Variants in UBAP2 observed in about 807,000 individuals in gnomAD.
The protein encoded by UBAP2 is ubiquitin-associated protein 2.
Under a neutral mutation model 139.6 loss-of-function variants are expected in UBAP2, and 75 were observed. That is an observed-to-expected ratio of 0.54 (90% CI 0.45 to 0.65). The LOEUF (loss-of-function observed/expected upper bound fraction) is 0.65, where lower values mean the gene tolerates loss of function less well. UBAP2 is among the 30% of genes least tolerant of loss of function. UBAP2 has a pLI of 0.00. For missense variants in UBAP2, 1,368 were observed against 1,369.6 expected (o/e 1.00, Z 0.02); for synonymous variants, 526 against 526.2 (o/e 1.00, Z 0.01).
intron 8 of UBAP2, among the ~76,000 whole-genome samples, chr9:33,966,002 A>G (rs1481639095): frequency 6.7e-6 from 1 of 149,786 alleles, no homozygotes; most frequent in Non-Finnish European, 1.5e-5. Flanking sequence ...GTGAGCAGAG[A>G]TCGTGCCACT....
chr9:34,029,388 A>T (rs1013463774), intron 1 of UBAP2, among the ~76,000 whole-genome samples: 6 of 151,502 alleles, frequency 4.0e-5, no homozygotes, highest in Non-Finnish European at 8.8e-5. Flanking sequence ...AATTAGCTGG[A>T]TGTGGTGGCG....
intron 14 of UBAP2, 106 bp downstream of exon 14, chr9:33,944,259 G>C: frequency 7.0e-7 from 1 of 1,431,072 alleles, no homozygotes; most frequent in Non-Finnish European, 9.5e-7. Context: ...TAAGCTATGT[G>C]CTTGAAAAAC....
At chr9:33,944,791 G>T in intron 13 of UBAP2, 152 bp from the exon 14 acceptor site, 1 of 942,892 alleles carries the variant, frequency 1.1e-6, no homozygotes, top group Non-Finnish European at 1.5e-6. Context: ...CTTCATTTAT[G>T]ATAAACGGGA....
intron 4 of UBAP2, among the ~76,000 whole-genome samples, chr9:33,991,467 A>G (rs908525867): frequency 1.3e-5 from 2 of 152,176 alleles, no homozygotes; most frequent in African/African-American, 4.8e-5. Flanking sequence ...TTTACCAGTT[A>G]CATAGGTACA....
chr9:34,049,117 G>C (rs1460977354), upstream of UBAP2, among the ~76,000 whole-genome samples: 1 of 152,208 alleles, frequency 6.6e-6, no homozygotes, highest in Non-Finnish European at 1.5e-5. Flanking sequence ...AATATGTATT[G>C]TACTCGGAGT....
chr9:33,925,989 A>G (rs1425860802), intron 22 of UBAP2, among the ~76,000 whole-genome samples: 1 of 152,192 alleles, frequency 6.6e-6, no homozygotes, highest in Non-Finnish European at 1.5e-5. Flanking sequence ...TCATGTGGCT[A>G]TCCCAGGAAA....
intron 1 of UBAP2, among the ~76,000 whole-genome samples, chr9:34,043,440 T>A (rs1827271866): frequency 6.6e-6 from 1 of 152,214 alleles, no homozygotes; most frequent in Non-Finnish European, 1.5e-5. Context: ...GTGCTGGGAT[T>A]ACAGGCATGA....
In UBAP2 at chr9:33,996,375, C is replaced by T. The variant is rs751171092; in HGVS notation, c.178-42G>A. ...AAAATGGTTAGAGGCAAACAAAAAACTGGCACTTGATATTAAGATTCTTCT... is the reference window on the plus strand; with the variant it reads ...AAAATGGTTAGAGGCAAACAAAAAATTGGCACTTGATATTAAGATTCTTCT... On this transcript the variant is annotated intron_variant, in intron 3 of 28. Coordinates refer to ENST00000379238, the MANE Select transcript of UBAP2 (RefSeq NM_001370062.2). 3.7e-6 allele frequency: 5 copies of T among 1,337,788 alleles called. No homozygotes were observed. In the African/African-American group the frequency reaches 7.2e-5, roughly 19 times the overall value. 82.9% of individuals were successfully genotyped at this position (1,337,788 alleles called of 1,614,324 possible). A position where few individuals can be genotyped will look rare whatever the true frequency, so the allele number is the denominator to read the frequency against.
intron 1 of UBAP2, among the ~76,000 whole-genome samples, chr9:34,045,339 C>T (rs1273001058): frequency 6.9e-6 from 1 of 144,600 alleles, no homozygotes; most frequent in African/African-American, 2.6e-5. Flanking sequence ...GTGAGACTGT[C>T]TTCAAAAAAA....
chr9:33,999,907 T>TATGTATGTATGTATGTATG (rs56853849), intron 2 of UBAP2, among the ~76,000 whole-genome samples: 6 of 77,824 alleles, frequency 7.7e-5, no homozygotes, highest in Non-Finnish European at 1.0e-4. Context: ...TGTATGTATG[T>TATGTATGTATGTATGTATG]TATTTTGAGA....
rs1219881829 is a variant in UBAP2, at chr9:33,973,846, TTGAG to T, written c.521-613_521-610del. Among the ~76,000 whole-genome samples, 3 of 152,326 alleles carry T rather than the reference TTGAG, an allele frequency of 2.0e-5. No individual in the cohort carries two copies. The East Asian group carries it at 5.8e-4, about 29-fold the overall frequency. ...CAACACTGGATTTAGCAATGATTTC[TTGAG>T]TATGACACTAAAACTACAGGCAAAA... On this transcript the variant is annotated intron_variant, in intron 6 of 28. Coordinates refer to ENST00000379238, the MANE Select transcript of UBAP2 (RefSeq NM_001370062.2).
chr9:34,016,273 A>AAG (rs1564064131), intron 2 of UBAP2, among the ~76,000 whole-genome samples: 3 of 10,702 alleles, frequency 2.8e-4, no homozygotes, highest in Non-Finnish European at 8.3e-4. Context: ...GGAGGAAGAG[A>AAG]AGGAGGAAGA....
intron 4 of UBAP2, among the ~76,000 whole-genome samples, chr9:33,990,351 T>C (rs1013150324): frequency 6.6e-6 from 1 of 152,196 alleles, no homozygotes; most frequent in African/African-American, 2.4e-5. Context: ...ATTTGGGTGA[T>C]AAGTTGAATT....
chr9:34,015,244 A>T (rs1422096921), intron 2 of UBAP2, among the ~76,000 whole-genome samples: 1 of 152,222 alleles, frequency 6.6e-6, no homozygotes, highest in Non-Finnish European at 1.5e-5. Context: ...CTTAGCACTT[A>T]TCTCACTTCA....
Position 33,996,215 on chromosome 9 carries a change from A to G in UBAP2, c.288+8T>C, listed in dbSNP as rs1193999850. ...TGTAAACAATGCAAATCAATTAATA[A>G]TACTTACTGTGTCTGAATTCCCTTC... On this transcript the variant is annotated splice_region_variant and intron_variant, in intron 4 of 28. Coordinates refer to ENST00000379238, the MANE Select transcript of UBAP2 (RefSeq NM_001370062.2). 1.3e-6 allele frequency: 2 copies of G among 1,592,866 alleles called. No homozygotes were observed. Among genetic ancestry groups the G allele is most frequent in the Admixed American group, 1.7e-5 (1 of 59,460 alleles).
chr9:33,927,148 C>T, intron 20 of UBAP2, 68 bp from the exon 21 acceptor site: 2 of 1,240,492 alleles, frequency 1.6e-6, no homozygotes, highest in South Asian at 2.9e-5. Context: ...TCAGCTGCTT[C>T]AGGAGGAGGC....
rs768070935 is a variant in UBAP2 at position 33,923,175 on chromosome 9, G to A, written c.3004+11C>T. 1.2e-6 allele frequency: 2 copies of A among 1,614,120 alleles called. No individual in the cohort carries two copies. Among genetic ancestry groups the A allele is most frequent in the Non-Finnish European group, 1.7e-6 (2 of 1,179,950 alleles). Reference sequence around the variant, plus strand: ...CCAGGCCTTATCCTGGAAAGGAGAGGTAAACACTACCTTTGCCAGGCCCAG... The same window carrying A: ...CCAGGCCTTATCCTGGAAAGGAGAGATAAACACTACCTTTGCCAGGCCCAG... On this transcript the variant is annotated intron_variant, in intron 26 of 28. Transcript: ENST00000379238.
intron 9 of UBAP2, among the ~76,000 whole-genome samples, chr9:33,962,622 C>A (rs939188054): frequency 8.1e-5 from 12 of 148,222 alleles, no homozygotes; most frequent in Non-Finnish European, 1.3e-4. Context: ...CCAGCCTGGG[C>A]AACAGAGCAA....
chr9:33,927,049 C>T lies in UBAP2; in HGVS notation c.2403G>A (p.Val801=), dbSNP rs758091077. ...GKAPPNLPQG[V]PPLLHNQYLV... is the part of the protein sequence containing the mutation. ...GGTACTGGTTGTGCAGCAGGGGAGGCACCCCCTGAGGTAAGTTTGGGGGTG... is the reference window on the plus strand; with the variant it reads ...GGTACTGGTTGTGCAGCAGGGGAGGTACCCCCTGAGGTAAGTTTGGGGGTG... Residue 801 remains valine, a synonymous_variant, in exon 21 of 29, where the codon GTG becomes GTA. Transcript: ENST00000379238. The T allele has an allele frequency of 7.8e-5, 126 of 1,613,348 alleles. 1 individual carries two copies. The highest frequency in any genetic ancestry group is 9.3e-5 in the Non-Finnish European group (110 of 1,179,686).
Sources: allele counts gnomAD v4.1 joint callset (sites outside exome capture counted in the v4.1 genomes callset), GRCh38; gene constraint gnomAD v4.1.1; transcripts MANE v1.5; gene names NCBI Gene and HGNC (gene_info 2026-07-23, HGNC 2026-07-21).